Variants in MAX observed in about 807,000 individuals in gnomAD.
MAX encodes the protein MYC associated transcriptional regulator X, also known as protein max.
Under a neutral mutation model 22.3 loss-of-function variants are expected in MAX, and 3 were observed. The ratio of observed to expected loss-of-function variants is 0.13; its 90% CI spans 0.06 to 0.35. MAX has a LOEUF of 0.35. Ranked by LOEUF, MAX falls within the 10% of genes least tolerant of loss-of-function variation. The pLI is 1.00. For missense variants in MAX, 119 were observed against 209.4 expected (o/e 0.57, Z 2.66); for synonymous variants, 72 against 77.7 (o/e 0.93, Z 0.39).
At chr14:65,081,622 G>C (rs982711612) in intron 3 of MAX, among the ~76,000 whole-genome samples, 1 of 152,316 alleles carries the variant, frequency 6.6e-6, no homozygotes, top group South Asian at 2.1e-4. Context: ...ATCTTCATGT[G>C]AGTGTGACTG....
intron 3 of MAX, among the ~76,000 whole-genome samples, chr14:65,038,054 C>G (rs142067321): frequency 6.6e-6 from 1 of 152,048 alleles, no homozygotes; most frequent in Non-Finnish European, 1.5e-5. Flanking sequence ...CATGAGCCCC[C>G]GCACCTGGCC....
At chr14:65,059,283 G>A (rs1202910296) in intron 3 of MAX, among the ~76,000 whole-genome samples, 1 of 151,712 alleles carries the variant, frequency 6.6e-6, no homozygotes, top group African/African-American at 2.4e-5. Flanking sequence ...GCCACCCAAA[G>A]TGCTGGGATT....
intron 3 of MAX, among the ~76,000 whole-genome samples, chr14:65,057,235 C>T (rs886545344): frequency 6.6e-6 from 1 of 152,176 alleles, no homozygotes; most frequent in Non-Finnish European, 1.5e-5. Context: ...CACATCCAAA[C>T]CATAGCATTT....
chr14:65,067,255 A>G (rs190419663), intron 3 of MAX, among the ~76,000 whole-genome samples: 14 of 152,300 alleles, frequency 9.2e-5, no homozygotes, highest in Admixed American at 9.2e-4. Context: ...AAAATTGCAA[A>G]GATAGTACAC....
chr14:65,014,100 CG>C lies in MAX; in HGVS notation c.172-7817del, dbSNP rs1379156533. The stretch of plus-strand genomic sequence containing the variant: ...TTTTGAAGAGAGCAGCTTGGGCCAA[CG>C]GAAAGAACACTGGATTGACTCTAAA... On this transcript the variant is annotated intron_variant, in intron 3 of 3. Transcript: ENST00000341653. This position sits in a 1 kb window ranked among gnomAD's most constrained non-coding sequence, Gnocchi z 5.1. 6.6e-6 allele frequency among the ~76,000 whole-genome samples: 1 copy of C among 152,130 alleles called. No homozygotes were observed. Among genetic ancestry groups the C allele is most frequent in the Non-Finnish European group, 1.5e-5 (1 of 68,024 alleles).
chr14:65,017,501 G>A (rs1222003166), intron 3 of MAX, among the ~76,000 whole-genome samples: 1 of 152,114 alleles, frequency 6.6e-6, no homozygotes, highest in Non-Finnish European at 1.5e-5. Context: ...TTTTTTTCTA[G>A]GCTGTGTACT....
intron 3 of MAX, among the ~76,000 whole-genome samples, chr14:65,025,516 G>C (rs1237755927): frequency 6.6e-6 from 1 of 152,182 alleles, no homozygotes; most frequent in African/African-American, 2.4e-5. Context: ...ATTAATTGCT[G>C]TTAAAAATGT....
chr14:65,098,320 G>A (rs1168602095), intron 2 of MAX, among the ~76,000 whole-genome samples: 1 of 152,156 alleles, frequency 6.6e-6, no homozygotes, highest in Non-Finnish European at 1.5e-5. Flanking sequence ...TCCAATCTCG[G>A]AGGCTACCAA....
intron 3 of MAX, chr14:65,022,029 A>G (rs1306158916): frequency 2.2e-6 from 1 of 455,938 alleles, no homozygotes; most frequent in African/African-American, 2.0e-5. Context: ...AGAGTCAAAT[A>G]ACACGTCTGA....
chr14:65,061,773 T>A (rs1369897042), intron 3 of MAX: 1 of 163,648 alleles, frequency 6.1e-6, no homozygotes, highest in African/African-American at 2.4e-5. Flanking sequence ...CAAGATGAGT[T>A]CTCTGTAAGA....
chr14:65,030,860 C>T lies in MAX; in HGVS notation c.172-24576G>A, dbSNP rs982223188. On this transcript the variant is annotated intron_variant, in intron 3 of 3. Transcript: ENST00000341653. This position sits in a 1 kb window ranked among gnomAD's most constrained non-coding sequence, Gnocchi z 4.5. ...TTTCTTTCTGTTGCCCAGGCAGGAG[C>T]GCAGTGGTGGGATCTTGGCTCACTG... 1.6e-4 allele frequency among the ~76,000 whole-genome samples: 24 copies of T among 151,960 alleles called. No homozygotes were observed. The highest frequency in any genetic ancestry group is 3.9e-4 in the African/African-American group (16 of 41,380).
At chr14:65,061,757 T>A (rs1264353065) in intron 3 of MAX, 1 of 164,458 alleles carries the variant, frequency 6.1e-6, no homozygotes, top group African/African-American at 2.4e-5. Context: ...GGGCTTTGGG[T>A]CCCACCAAGA....
intron 3 of MAX, among the ~76,000 whole-genome samples, chr14:65,022,674 TA>T (rs534936170): frequency 1.2e-3 from 176 of 144,488 alleles, no homozygotes; most frequent in Non-Finnish European, 1.2e-3. Flanking sequence ...GCCAAATACT[TA>T]AAAAAAAAAA....
intron 3 of MAX, among the ~76,000 whole-genome samples, chr14:65,051,760 A>G (rs2062616344): frequency 6.6e-6 from 1 of 150,754 alleles, no homozygotes. Context: ...GGGAAAGGTT[A>G]TTGATACCAT....
Position 65,079,939 on chromosome 14 carries a change from A to T in MAX, c.172-1903T>A, listed in dbSNP as rs1464575193. 6.6e-6 allele frequency among the ~76,000 whole-genome samples: 1 copy of T among 152,220 alleles called. No individual in the cohort carries two copies. The highest frequency in any genetic ancestry group is 1.5e-5 in the Non-Finnish European group (1 of 68,038). ...ATCAGGTGCAAATTACGTACAAGAT[A>T]CTAGGCAGATACTGTGGGGAAACAA... On this transcript the variant is annotated intron_variant, in intron 3 of 4. Transcript: ENST00000358664. The surrounding 1 kb of genome is among the most constrained non-coding windows in gnomAD (Gnocchi z 4.5).
intron 3 of MAX, among the ~76,000 whole-genome samples, chr14:65,035,185 G>T (rs890923230): frequency 3.3e-5 from 5 of 152,206 alleles, no homozygotes; most frequent in Non-Finnish European, 5.9e-5. Context: ...AGTGTTGGCT[G>T]CCCGCCCTGA....
intron 3 of MAX, among the ~76,000 whole-genome samples, chr14:65,089,716 G>T (rs1476373943): frequency 5.2e-5 from 6 of 116,200 alleles, no homozygotes; most frequent in African/African-American, 1.3e-4. Context: ...ACCCAAGCAA[G>T]GACACTTAAA....
Position 65,093,559 on chromosome 14 carries a change from T to G in MAX, c.171+149A>C. The G allele has an allele frequency of 1.4e-6, 1 of 691,352 alleles. No homozygotes were observed. Among genetic ancestry groups the G allele is most frequent in the South Asian group, 1.5e-5 (1 of 65,766 alleles). The allele number at this position is 691,352 out of a possible 1,614,324, so 42.8% of individuals were successfully genotyped here. On this transcript the variant is annotated intron_variant, in intron 3 of 4. Transcript: ENST00000358664. The surrounding 1 kb of genome is among the most constrained non-coding windows in gnomAD (Gnocchi z 4.4). ...AAACTGGAGTACGTAAGGTGTGCAG[T>G]GATCCTCCAAACAGTCAAAAATAAG...
chr14:65,102,650 A>G, upstream of MAX: 1 of 1,049,288 alleles, frequency 9.5e-7, no homozygotes, highest in Non-Finnish European at 1.2e-6. Context: ...CAGAAAAACT[A>G]CAAATCCCGG....
Sources: gnomAD v4.1 joint callset for allele counts (sites outside exome capture counted in the v4.1 genomes callset) on GRCh38, gnomAD v4.1.1 for gene constraint, Gnocchi (gnomAD v3.1) non-coding constraint, MANE v1.5 for transcripts, NCBI Gene and HGNC (gene_info 2026-07-23, HGNC 2026-07-21) for gene names.